The following TP63 variants were observed in gnomAD, a reference collection of about 807,000 sequenced individuals.
The protein encoded by TP63 is tumor protein p63.
TP63 carries 17 observed loss-of-function variants against 82.8 expected under a neutral mutation model. The ratio of observed to expected loss-of-function variants is 0.21; its 90% CI spans 0.14 to 0.31. TP63 has a LOEUF of 0.31. Ranked by LOEUF, TP63 falls within the 10% of genes least tolerant of loss-of-function variation. The pLI is 1.00. For missense variants in TP63, 648 were observed against 895.3 expected (o/e 0.72, Z 3.52); for synonymous variants, 330 against 321.7 (o/e 1.03, Z -0.28).
chr3:189,689,435 G>T (rs1475663598), intron 1 of TP63, among the ~76,000 whole-genome samples: 2 of 151,766 alleles, frequency 1.3e-5, no homozygotes, highest in Non-Finnish European at 2.9e-5. Context: ...CTTCTTATAG[G>T]TGGAGAAACT....
At chr3:189,801,272 T>A (rs1560196867) in intron 3 of TP63, among the ~76,000 whole-genome samples, 1 of 152,174 alleles carries the variant, frequency 6.6e-6, no homozygotes, top group African/African-American at 2.4e-5. Flanking sequence ...ACATATTGAT[T>A]GCTATAGATT....
At chr3:189,623,044 C>G in the TP63 span, among the ~76,000 whole-genome samples, 1 of 152,162 alleles carries the variant, frequency 6.6e-6, no homozygotes, top group African/African-American at 2.4e-5. Flanking sequence ...AAATGTCTCT[C>G]TAGCCCCTCT....
chr3:189,733,630 T>C (rs1234299270), intron 1 of TP63, among the ~76,000 whole-genome samples: 2 of 152,252 alleles, frequency 1.3e-5, no homozygotes, highest in Non-Finnish European at 2.9e-5. Flanking sequence ...TGTTCATTTC[T>C]GTTTTTGACA....
chr3:189,827,469 A>T (rs1373415039), intron 4 of TP63, among the ~76,000 whole-genome samples: 2 of 152,202 alleles, frequency 1.3e-5, no homozygotes, highest in Non-Finnish European at 2.9e-5. Context: ...AATATTTTTC[A>T]GGTAATACCT....
At chr3:189,724,767 ATGGTTATGGAACACCTTCG>A (rs1719646536) in intron 1 of TP63, among the ~76,000 whole-genome samples, 1 of 152,192 alleles carries the variant, frequency 6.6e-6, no homozygotes, top group South Asian at 2.1e-4. Context: ...CACAAGCATT[ATGGTTATGGAACACCTTCG>A]TGCTGAGCAC....
chr3:189,618,890 A>T, the TP63 span, among the ~76,000 whole-genome samples: 1 of 151,944 alleles, frequency 6.6e-6, no homozygotes, highest in Non-Finnish European at 1.5e-5. Context: ...CTCTTCATTT[A>T]GCATTGATCA....
chr3:189,689,104 C>CTTTTTTTTTTTT (rs776704674), intron 1 of TP63, among the ~76,000 whole-genome samples: 1 of 68,282 alleles, frequency 1.5e-5, no homozygotes, highest in African/African-American at 9.7e-5. Context: ...CTACCTTTTT[C>CTTTTTTTTTTTT]TTTTTTTTTT....
intron 1 of TP63, among the ~76,000 whole-genome samples, chr3:189,646,239 C>A (rs1712415516): frequency 6.8e-6 from 1 of 147,086 alleles, no homozygotes; most frequent in Non-Finnish European, 1.5e-5. Flanking sequence ...AATTCTGATG[C>A]ACATGGAAGT....
chr3:189,636,402 ATT>A lies in TP63; in HGVS notation c.62+4827_62+4828del, dbSNP rs753750543. Among the ~76,000 whole-genome samples the A allele has an allele frequency of 4.8e-4, 73 of 152,212 alleles. 1 individual carries two copies. The highest frequency in any genetic ancestry group is 1.0e-3 in the South Asian group (5 of 4,828). On this transcript the variant is annotated intron_variant, in intron 1 of 13. Transcript: ENST00000264731. Reference sequence around the variant, plus strand: ...AGTTAAGTAGGGATAAAAACCTCTCATTTACTGTTCACAACTAGAACTTTGAG... The same window carrying A: ...AGTTAAGTAGGGATAAAAACCTCTCATACTGTTCACAACTAGAACTTTGAG...
intron 4 of TP63, among the ~76,000 whole-genome samples, chr3:189,835,788 C>G (rs1466811225): frequency 6.6e-6 from 1 of 151,932 alleles, no homozygotes; most frequent in Non-Finnish European, 1.5e-5. Flanking sequence ...GTGGCAGGTG[C>G]CTGTAATCCC....
intron 4 of TP63, among the ~76,000 whole-genome samples, chr3:189,828,586 G>A (rs1029328991): frequency 6.6e-6 from 1 of 152,108 alleles, no homozygotes; most frequent in Non-Finnish European, 1.5e-5. Context: ...CCTGTAATTG[G>A]TCAGACAAAA....
chr3:189,893,843 A>G (rs888055436), intron 13 of TP63, among the ~76,000 whole-genome samples: 1 of 152,182 alleles, frequency 6.6e-6, no homozygotes, highest in Non-Finnish European at 1.5e-5. Flanking sequence ...GTGACATTCC[A>G]TTAATACCTT....
chr3:189,707,406 T>C (rs1450819953), intron 1 of TP63, among the ~76,000 whole-genome samples: 2 of 152,168 alleles, frequency 1.3e-5, no homozygotes, highest in African/African-American at 4.8e-5. Context: ...CCCAAACTTT[T>C]ATGTTGAATT....
intron 4 of TP63, among the ~76,000 whole-genome samples, chr3:189,820,371 C>A (rs1265203377): frequency 6.6e-6 from 1 of 152,178 alleles, no homozygotes; most frequent in Non-Finnish European, 1.5e-5. Flanking sequence ...TGATTTCTTA[C>A]CTAGCACGGC....
intron 1 of TP63, among the ~76,000 whole-genome samples, chr3:189,661,913 G>A (rs2108654829): frequency 6.6e-6 from 1 of 152,024 alleles, no homozygotes; most frequent in South Asian, 2.1e-4. Flanking sequence ...TGGTTGTAAT[G>A]CCACCATTGT....
At chr3:189,649,464 A>T (rs1246659494) in intron 1 of TP63, among the ~76,000 whole-genome samples, 1 of 146,576 alleles carries the variant, frequency 6.8e-6, no homozygotes, top group African/African-American at 2.6e-5. Context: ...AGACACTGGG[A>T]CCAATTGAAG....
chr3:189,749,612 A>G (rs990575532), intron 3 of TP63, among the ~76,000 whole-genome samples: 5 of 152,224 alleles, frequency 3.3e-5, no homozygotes, highest in African/African-American at 1.2e-4. Flanking sequence ...TACAACCACT[A>G]CAGAAAATAG....
chr3:189,604,111 G>A, the TP63 span, among the ~76,000 whole-genome samples: 10 of 152,214 alleles, frequency 6.6e-5, no homozygotes, highest in East Asian at 1.7e-3. Flanking sequence ...GAACATGGTC[G>A]TTGAAGTCAG....
intron 4 of TP63, among the ~76,000 whole-genome samples, chr3:189,811,873 G>A (rs1426540100): frequency 6.6e-6 from 1 of 152,292 alleles, no homozygotes; most frequent in Admixed American, 6.5e-5. Flanking sequence ...AGCAGGCAGT[G>A]CCTGTGTAGT....
Sources: allele counts gnomAD v4.1 joint callset (sites outside exome capture counted in the v4.1 genomes callset), GRCh38; gene constraint gnomAD v4.1.1; transcripts MANE v1.5; gene names NCBI Gene and HGNC (gene_info 2026-07-23, HGNC 2026-07-21).